WDR33: variants seen among roughly 807,000 people sequenced by gnomAD.
WDR33 encodes the protein pre-mRNA 3' end processing protein WDR33.
In WDR33, 47 loss-of-function variants were observed where a neutral mutation model predicts 164.9. That is an observed-to-expected ratio of 0.29 (90% CI 0.23 to 0.36). The LOEUF (loss-of-function observed/expected upper bound fraction) is 0.36, where lower values mean the gene tolerates loss of function less well. Among genes scored for constraint, WDR33 ranks in the 10% least tolerant of loss-of-function variants. WDR33 has a pLI of 1.00. For missense variants in WDR33, 1,137 were observed against 1,754.1 expected (o/e 0.65, Z 6.28); for synonymous variants, 505 against 589.0 (o/e 0.86, Z 2.06).
chr2:127,797,237 T>C (rs1237185318), intron 1 of WDR33, among the ~76,000 whole-genome samples: 1 of 152,180 alleles, frequency 6.6e-6, no homozygotes, highest in Non-Finnish European at 1.5e-5. Context: ...CTCGTGTCTG[T>C]AATCCCAGAA....
Position 127,709,645 on chromosome 2 carries a change from T to G in WDR33, c.3472+48A>C, listed in dbSNP as rs1686105259. On this transcript the variant is annotated intron_variant, in intron 19 of 21. Coordinates refer to ENST00000322313, the MANE Select transcript of WDR33 (RefSeq NM_018383.5). The surrounding 1 kb of genome is among the most constrained non-coding windows in gnomAD (Gnocchi z 5.0). ...TCCTGGTGTATTCACAACCAGTGTA[T>G]TCTGCACCCTATCCTTCCAGACCAG... 6.2e-7 allele frequency: 1 copy of G among 1,614,018 alleles called. No individual in the cohort carries two copies. The highest frequency in any genetic ancestry group is 1.7e-5 in the Admixed American group (1 of 60,026).
At position 127,706,195 on chromosome 2, in the gene WDR33, G is replaced by A; in HGVS notation, c.*128C>T. On this transcript the variant is annotated 3_prime_UTR_variant, in exon 22 of 22. Transcript: ENST00000322313. The surrounding 1 kb of genome is among the most constrained non-coding windows in gnomAD (Gnocchi z 5.1). ...CTTGAAGACCTCATTGAGGGTTCCTGGGATTCAGGTGCCCAGAAAAGAGTT... is the reference window on the plus strand; with the variant it reads ...CTTGAAGACCTCATTGAGGGTTCCTAGGATTCAGGTGCCCAGAAAAGAGTT... 1 of 843,138 alleles carries A rather than the reference G, an allele frequency of 1.2e-6. No individual in the cohort carries two copies. Among genetic ancestry groups the A allele is most frequent in the Non-Finnish European group, 1.7e-6 (1 of 583,256 alleles). The allele number at this position is 843,138 out of a possible 1,614,324, so 52.2% of individuals were successfully genotyped here.
intron 1 of WDR33, among the ~76,000 whole-genome samples, chr2:127,810,019 T>C (rs1010867598): frequency 1.3e-5 from 2 of 152,022 alleles, no homozygotes; most frequent in African/African-American, 4.8e-5. Flanking sequence ...TAAGTAGGTT[T>C]ACCACTGCAC....
intron 4 of WDR33, among the ~76,000 whole-genome samples, chr2:127,766,716 C>G (rs967777892): frequency 6.6e-6 from 1 of 151,074 alleles, no homozygotes. Context: ...ACCAAATTCC[C>G]TGATTAAAAA....
rs1687956854 is a variant in WDR33 at position 127,770,212 on chromosome 2, TATTTCTAAA to T, written c.204+557_204+565del. Among the ~76,000 whole-genome samples, 5 of 152,366 alleles carry T rather than the reference TATTTCTAAA, an allele frequency of 3.3e-5. No homozygotes were observed. The South Asian group carries it at 1.0e-3, about 32-fold the overall frequency. On this transcript the variant is annotated intron_variant, in intron 2 of 21. Transcript: ENST00000322313. This position sits in a 1 kb window ranked among gnomAD's most constrained non-coding sequence, Gnocchi z 4.9. ...ATTTGTGAACTTTTAGAGCAAATCCTATTTCTAAAATGGAGTCTAACTTTAATAATTTTT... is the reference window on the plus strand; with the variant it reads ...ATTTGTGAACTTTTAGAGCAAATCCTATGGAGTCTAACTTTAATAATTTTT...
Position 127,708,828 on chromosome 2 carries a change from G to A in WDR33, c.3630C>T (p.Ser1210=), listed in dbSNP as rs1315436659. The part of the protein sequence containing the change: ...RPDHPPHDGH[S]PASRERSSSL... ...AAGAGGAGCGTTCTCTGCTGGCTGG[G>A]GAATGACCGTCGTGAGGGGGATGAT... Residue 1210 remains serine (S), a synonymous_variant, in exon 21 of 22, where the codon TCC becomes TCT. Coordinates refer to ENST00000322313, the MANE Select transcript of WDR33 (RefSeq NM_018383.5). This position sits in a 1 kb window ranked among gnomAD's most constrained non-coding sequence, Gnocchi z 6.7. The A allele has an allele frequency of 1.9e-6, 3 of 1,612,292 alleles. No homozygotes were observed. The highest frequency in any genetic ancestry group is 2.2e-5 in the East Asian group (1 of 44,816).
chr2:127,809,686 C>A (rs1003108486), intron 1 of WDR33, among the ~76,000 whole-genome samples: 1 of 152,004 alleles, frequency 6.6e-6, no homozygotes, highest in African/African-American at 2.4e-5. Flanking sequence ...TCCGCCCACC[C>A]TGGCGTCCCA....
chr2:127,759,344 T>C (rs1278698590), intron 7 of WDR33, among the ~76,000 whole-genome samples: 1 of 152,212 alleles, frequency 6.6e-6, no homozygotes, highest in Non-Finnish European at 1.5e-5. Flanking sequence ...TTTTCTCTTC[T>C]GTAACTTCAA....
chr2:127,723,253 C>T lies in WDR33; in HGVS notation c.1291G>A (p.Asp431Asn). The T allele has an allele frequency of 6.2e-7, 1 of 1,612,566 alleles. No homozygotes were observed. Among genetic ancestry groups the T allele is most frequent in the Non-Finnish European group, 8.5e-7 (1 of 1,179,030 alleles). The change falls in exon 12 of 22, where the codon GAT (aspartate) becomes AAT (asparagine). Residue 431 changes from aspartate (D) to asparagine (N), a missense_variant and splice_region_variant. Physicochemically the swap from Asp to Asn is conservative, Grantham distance 23. Transcript: ENST00000322313. The surrounding 1 kb of genome is among the most constrained non-coding windows in gnomAD (Gnocchi z 5.9). The part of the protein sequence containing the change: ...PGMSEDGVEY[D>N]DLEPNSLAVI... Reference sequence around the variant, plus strand: ...AAGGACAGATGTGCAAGAGTCTCACCATATTCTACTCCATCTTCAGACATT... The same window carrying T: ...AAGGACAGATGTGCAAGAGTCTCACTATATTCTACTCCATCTTCAGACATT...
chr2:127,767,914 C>A (rs1687872197), intron 4 of WDR33, among the ~76,000 whole-genome samples: 1 of 152,102 alleles, frequency 6.6e-6, no homozygotes, highest in African/African-American at 2.4e-5. Flanking sequence ...TACTCAAACG[C>A]AACTCTGAGA....
At chr2:127,758,417 T>C (rs1466347900) in intron 7 of WDR33, among the ~76,000 whole-genome samples, 1 of 152,210 alleles carries the variant, frequency 6.6e-6, no homozygotes, top group Non-Finnish European at 1.5e-5. Flanking sequence ...CAGGTTTATT[T>C]AACTTTTTGG....
At chr2:127,732,151 A>G (rs1357400477) in intron 7 of WDR33, among the ~76,000 whole-genome samples, 1 of 148,536 alleles carries the variant, frequency 6.7e-6, no homozygotes, top group East Asian at 2.0e-4. Flanking sequence ...ACACACACAC[A>G]CACACAGACG....
chr2:127,809,427 C>T lies in WDR33; in HGVS notation c.-24+1585G>A, dbSNP rs568368077. On this transcript the variant is annotated intron_variant, in intron 1 of 21. Coordinates refer to ENST00000322313, the MANE Select transcript of WDR33 (RefSeq NM_018383.5). ...CATTGTAATATATGTAAGCCAAATT[C>T]CTTTTTTTTTTTTTTTTTTTTTTTT... Among the ~76,000 whole-genome samples, 20 of 140,192 alleles carry T rather than the reference C, an allele frequency of 1.4e-4. No individual in the cohort carries two copies. The South Asian group carries it at 3.6e-3, about 25-fold the overall frequency. 92.0% of individuals were successfully genotyped at this position (140,192 alleles called of 152,430 possible). A position where few individuals can be genotyped will look rare whatever the true frequency, so the allele number is the denominator to read the frequency against.
At position 127,704,108 on chromosome 2, in the gene WDR33, C is replaced by T. The variant is rs1056166932; in HGVS notation, c.*2215G>A. The T allele has an allele frequency of 1.8e-5, 3 of 166,426 alleles. No homozygotes were observed. The highest frequency in any genetic ancestry group is 3.9e-4 in the East Asian group (2 of 5,194). 10.3% of individuals were successfully genotyped at this position (166,426 alleles called of 1,614,324 possible). A position where few individuals can be genotyped will look rare whatever the true frequency, so the allele number is the denominator to read the frequency against. ...CACTGCACCACAGCCTAGGCAACAGCGAGACCTTGTCTCAAAAATTTTTTC... is the reference window on the plus strand; with the variant it reads ...CACTGCACCACAGCCTAGGCAACAGTGAGACCTTGTCTCAAAAATTTTTTC... On this transcript the variant is annotated 3_prime_UTR_variant, in exon 22 of 22. Coordinates refer to ENST00000322313, the MANE Select transcript of WDR33 (RefSeq NM_018383.5).
chr2:127,776,682 A>T (rs1029382175), intron 1 of WDR33, among the ~76,000 whole-genome samples: 1 of 152,230 alleles, frequency 6.6e-6, no homozygotes, highest in Non-Finnish European at 1.5e-5. Context: ...TGGGTGTCAC[A>T]GTGAGACCCC....
chr2:127,747,070 A>T (rs1687187554), intron 7 of WDR33, among the ~76,000 whole-genome samples: 1 of 151,832 alleles, frequency 6.6e-6, no homozygotes, highest in African/African-American at 2.4e-5. Flanking sequence ...AAACAGATTT[A>T]GTTTCAAAAT....
chr2:127,760,268 T>C (rs1002280746), intron 7 of WDR33, among the ~76,000 whole-genome samples: 1 of 152,218 alleles, frequency 6.6e-6, no homozygotes, highest in Non-Finnish European at 1.5e-5. Context: ...TTTTGGATTT[T>C]CTGAATACTT....
rs754393530 is a variant in WDR33, at chr2:127,713,625, C to A, written c.3266G>T (p.Arg1089Leu). The change falls in exon 18 of 22, where the codon CGG becomes CTG. Residue 1089 changes from arginine to leucine, a missense_variant. Arg to Leu is a moderately radical substitution (Grantham distance 102). Around this residue, in one of 9 missense-constraint regions of WDR33, gnomAD observed 867 missense variants for 1,073.0 expected, o/e 0.81. Coordinates refer to ENST00000322313, the MANE Select transcript of WDR33 (RefSeq NM_018383.5). The surrounding 1 kb of genome is among the most constrained non-coding windows in gnomAD (Gnocchi z 6.2). ...GRRPGDERFPRDPEDPRFRGR... is the reference protein window; with the variant it reads ...GRRPGDERFPLDPEDPRFRGR... ...TCGAAAACGTGGGTCCTCGGGATCC[C>A]GGGGGAAACGTTCATCTCCGGGCCT... 4.3e-6 allele frequency: 7 copies of A among 1,614,250 alleles called. No homozygotes were observed. Among genetic ancestry groups the A allele is most frequent in the Non-Finnish European group, 5.9e-6 (7 of 1,180,050 alleles).
chr2:127,717,332 A>G lies in WDR33; in HGVS notation c.2761-69T>C, dbSNP rs2105378167. On this transcript the variant is annotated intron_variant, in intron 16 of 21. Coordinates refer to ENST00000322313, the MANE Select transcript of WDR33 (RefSeq NM_018383.5). The surrounding 1 kb of genome is among the most constrained non-coding windows in gnomAD (Gnocchi z 5.6). ...GAGCTACATAAATAGTGATTGCATT[A>G]TAACATGACAAGATAAAAATACCCA... 5 of 1,274,362 alleles carry G rather than the reference A, an allele frequency of 3.9e-6. No individual in the cohort carries two copies. Among genetic ancestry groups the G allele is most frequent in the Non-Finnish European group, 5.3e-6 (5 of 947,630 alleles). The allele number at this position is 1,274,362 out of a possible 1,614,324, so 78.9% of individuals were successfully genotyped here. A position where few individuals can be genotyped will look rare whatever the true frequency, so the allele number is the denominator to read the frequency against.
Sources: allele counts gnomAD v4.1 joint callset (sites outside exome capture counted in the v4.1 genomes callset), GRCh38; gene constraint gnomAD v4.1.1; regional missense constraint gnomAD v4.1.1; non-coding constraint Gnocchi (gnomAD v3.1); transcripts MANE v1.5; gene names NCBI Gene and HGNC (gene_info 2026-07-23, HGNC 2026-07-21).